NXPE4: variants seen among roughly 807,000 people sequenced by gnomAD.
The protein encoded by NXPE4 is neurexophilin and PC-esterase domain family member 4, also known as NXPE family member 4.
Under a neutral mutation model 33.3 loss-of-function variants are expected in NXPE4, and 42 were observed. The observed-to-expected ratio is 1.26, with a 90% CI of 0.98 to 1.63. The LOEUF is 1.63. Ranked by LOEUF, NXPE4 falls within the 40% of genes most tolerant of loss-of-function variation. NXPE4 has a pLI of 0.00. For missense variants in NXPE4, 709 were observed against 647.6 expected (o/e 1.09, Z -1.03); for synonymous variants, 253 against 234.9 (o/e 1.08, Z -0.71).
At chr11:114,573,798 G>T (rs1948941525) in intron 5 of NXPE4, among the ~76,000 whole-genome samples, 1 of 151,988 alleles carries the variant, frequency 6.6e-6, no homozygotes, top group South Asian at 2.1e-4. Flanking sequence ...CGCTAGACTG[G>T]TCATCAAGAC....
chr11:114,640,366 C>T, the NXPE4 span, among the ~76,000 whole-genome samples: 1 of 148,684 alleles, frequency 6.7e-6, no homozygotes, highest in African/African-American at 2.5e-5. Context: ...ATATATGCTA[C>T]TGTTTCTTTA....
chr11:114,637,234 T>C, the NXPE4 span, among the ~76,000 whole-genome samples: 2 of 151,904 alleles, frequency 1.3e-5, no homozygotes, highest in Non-Finnish European at 2.9e-5. Context: ...TCTTTGTCTC[T>C]TTTGATCTTT....
At chr11:114,632,451 TAA>T in the NXPE4 span, among the ~76,000 whole-genome samples, 28 of 130,134 alleles carry the variant, frequency 2.2e-4, no homozygotes, top group East Asian at 4.2e-4. Flanking sequence ...ATATAATTTA[TAA>T]GAGTTATACA....
chr11:114,624,765 G>GT, the NXPE4 span, among the ~76,000 whole-genome samples: 1 of 147,880 alleles, frequency 6.8e-6, no homozygotes, highest in African/African-American at 2.5e-5. Context: ...CCAGTGGATA[G>GT]TAAGTATTGC....
chr11:114,583,328 C>A (rs1292367178), intron 2 of NXPE4: 3 of 618,754 alleles, frequency 4.8e-6, no homozygotes, highest in East Asian at 3.5e-5. Flanking sequence ...CTATTATGGA[C>A]AAGCCCACCC....
intron 1 of NXPE4, among the ~76,000 whole-genome samples, chr11:114,595,157 T>G (rs1949551451): frequency 6.6e-6 from 1 of 152,186 alleles, no homozygotes; most frequent in South Asian, 2.1e-4. Context: ...ATATTAACAC[T>G]GAGAACCACA....
the NXPE4 span, among the ~76,000 whole-genome samples, chr11:114,632,923 AATT>A: frequency 1.1e-5 from 1 of 90,854 alleles, no homozygotes; most frequent in African/African-American, 4.6e-5. Context: ...TATTTTATAT[AATT>A]ATATAATAAT....
chr11:114,667,323 T>A, the NXPE4 span, among the ~76,000 whole-genome samples: 3 of 152,302 alleles, frequency 2.0e-5, no homozygotes, highest in South Asian at 6.2e-4. Flanking sequence ...TAATTATATT[T>A]AATAACTAAA....
chr11:114,642,767 G>C, the NXPE4 span, among the ~76,000 whole-genome samples: 3 of 151,906 alleles, frequency 2.0e-5, no homozygotes, highest in Admixed American at 2.0e-4. Flanking sequence ...ATATTCCTTT[G>C]GGTATATACC....
upstream of NXPE4, among the ~76,000 whole-genome samples, chr11:114,600,094 T>C (rs1458672473): frequency 6.6e-6 from 1 of 152,158 alleles, no homozygotes; most frequent in Admixed American, 6.6e-5. Context: ...GTACTCAATA[T>C]GTGCTAATGA....
At chr11:114,610,698 C>T in the NXPE4 span, among the ~76,000 whole-genome samples, 120 of 151,912 alleles carry the variant, frequency 7.9e-4, no homozygotes, top group African/African-American at 1.0e-3. Context: ...CACTGTTACC[C>T]GGTGGATAAT....
the NXPE4 span, among the ~76,000 whole-genome samples, chr11:114,675,510 A>G: frequency 1.3e-5 from 2 of 151,900 alleles, no homozygotes; most frequent in Non-Finnish European, 2.9e-5. Context: ...ATACGCTAAC[A>G]ATAAACTATC....
At chr11:114,586,199 T>C (rs368212967) in intron 2 of NXPE4, among the ~76,000 whole-genome samples, 30 of 152,332 alleles carry the variant, frequency 2.0e-4, no homozygotes, top group African/African-American at 5.8e-4. Flanking sequence ...CCCCTGTCTC[T>C]ACAGAAGAGA....
chr11:114,632,095 T>C, the NXPE4 span, among the ~76,000 whole-genome samples: 1 of 144,934 alleles, frequency 6.9e-6, no homozygotes, highest in East Asian at 1.9e-4. Flanking sequence ...ATATTGTAAA[T>C]ATAATGTAAT....
the NXPE4 span, among the ~76,000 whole-genome samples, chr11:114,671,970 C>T: frequency 3.9e-5 from 6 of 152,026 alleles, no homozygotes; most frequent in Non-Finnish European, 8.8e-5. Context: ...CAGGCTTCTA[C>T]TTCTAAGGAG....
At chr11:114,602,018 ATAAT>A in the NXPE4 span, among the ~76,000 whole-genome samples, 3 of 87,728 alleles carry the variant, frequency 3.4e-5, no homozygotes, top group Admixed American at 2.1e-4. Context: ...TATATTATAT[ATAAT>A]ATATGTTATA....
intron 5 of NXPE4, among the ~76,000 whole-genome samples, chr11:114,573,581 A>T (rs1948937199): frequency 6.6e-6 from 1 of 152,162 alleles, no homozygotes; most frequent in Non-Finnish European, 1.5e-5. Flanking sequence ...TATATCAGAC[A>T]AAACAAACTT....
the NXPE4 span, among the ~76,000 whole-genome samples, chr11:114,614,835 G>C: frequency 6.6e-6 from 1 of 151,954 alleles, no homozygotes; most frequent in Admixed American, 6.6e-5. Context: ...TTATCTGGTG[G>C]ATAACAAGTG....
the NXPE4 span, among the ~76,000 whole-genome samples, chr11:114,648,903 G>A: frequency 1.3e-5 from 2 of 151,860 alleles, no homozygotes; most frequent in Admixed American, 6.6e-5. Context: ...ACTATGATAC[G>A]AAGTCAATAC....
Sources: allele counts gnomAD v4.1 joint callset (sites outside exome capture counted in the v4.1 genomes callset), GRCh38; gene constraint gnomAD v4.1.1; transcripts MANE v1.5; gene names NCBI Gene and HGNC (gene_info 2026-07-23, HGNC 2026-07-21).